Variants in GPHN observed in about 807,000 individuals in gnomAD.
GPHN encodes gephyrin.
GPHN carries 17 observed loss-of-function variants against 95.5 expected under a neutral mutation model. The observed-to-expected ratio is 0.18, with a 90% CI of 0.12 to 0.27. The LOEUF (loss-of-function observed/expected upper bound fraction) is 0.27. Among genes scored for constraint, GPHN ranks in the 10% least tolerant of loss-of-function variants. The pLI is 1.00. For synonymous variants in GPHN, 320 were observed against 322.5 expected, an observed-to-expected ratio of 0.99 and a Z score of 0.08; for missense variants, 660 against 978.1, an observed-to-expected ratio of 0.67 and a Z score of 4.34.
the GPHN span, among the ~76,000 whole-genome samples, chr14:67,368,352 G>A: frequency 6.6e-6 from 1 of 152,176 alleles, no homozygotes; most frequent in Non-Finnish European, 1.5e-5. Context: ...CAGATTGGCT[G>A]CTCTGCATAA....
At chr14:67,587,140 AC>A in the GPHN span, 1 of 1,613,710 alleles carries the variant, frequency 6.2e-7, no homozygotes, top group Non-Finnish European at 8.5e-7. Context: ...GAACCCCCCC[AC>A]CAACCCACCC....
At chr14:67,302,943 ATTG>A in the GPHN span, among the ~76,000 whole-genome samples, 1 of 152,162 alleles carries the variant, frequency 6.6e-6, no homozygotes, top group Admixed American at 6.5e-5. Context: ...TCTGTAATTG[ATTG>A]TTGTTTTCCT....
At chr14:67,509,768 A>T in the GPHN span, among the ~76,000 whole-genome samples, 1 of 152,124 alleles carries the variant, frequency 6.6e-6, no homozygotes, top group Non-Finnish European at 1.5e-5. Flanking sequence ...GCACTTTGGG[A>T]GGCTGAGGCA....
At chr14:67,121,251 C>T (rs189969376) in intron 16 of GPHN, among the ~76,000 whole-genome samples, 71 of 151,872 alleles carry the variant, frequency 4.7e-4, no homozygotes, top group Non-Finnish European at 9.3e-4. Flanking sequence ...TGTGAAGGAC[C>T]CCCTACTCTT....
chr14:67,573,366 AT>A, the GPHN span: 2 of 1,608,496 alleles, frequency 1.2e-6, no homozygotes, highest in Non-Finnish European at 1.7e-6. The surrounding 1 kb of genome is among the most constrained non-coding windows in gnomAD (Gnocchi z 4.8). Flanking sequence ...ACAGGGACAG[AT>A]TATGTACTAC....
chr14:67,327,640 TC>T, the GPHN span, among the ~76,000 whole-genome samples: 1 of 151,412 alleles, frequency 6.6e-6, no homozygotes, highest in Non-Finnish European at 1.5e-5. Context: ...CCCTCCCCTC[TC>T]CCCCCACCCC....
intron 5 of GPHN, among the ~76,000 whole-genome samples, chr14:66,882,750 T>G (rs921794011): frequency 6.6e-6 from 1 of 151,752 alleles, no homozygotes; most frequent in Non-Finnish European, 1.5e-5. Context: ...GTGAAACCTT[T>G]TCGTAGCTTT....
At chr14:67,652,884 C>G in the GPHN span, among the ~76,000 whole-genome samples, 65 of 152,296 alleles carry the variant, frequency 4.3e-4, no homozygotes, top group Admixed American at 1.2e-3. Context: ...ACCTCCACCC[C>G]CCAGGTTCAA....
At chr14:67,576,268 C>A in the GPHN span, 1 of 633,122 alleles carries the variant, frequency 1.6e-6, no homozygotes, top group Non-Finnish European at 2.7e-6. The surrounding 1 kb of genome is among the most constrained non-coding windows in gnomAD (Gnocchi z 4.0). Context: ...CCAGGTAGCC[C>A]TGACTCATGC....
chr14:67,511,319 A>G, the GPHN span, among the ~76,000 whole-genome samples: 2 of 151,008 alleles, frequency 1.3e-5, no homozygotes, highest in Non-Finnish European at 2.9e-5. Flanking sequence ...AGCTCTCCCT[A>G]CATTAATTGA....
chr14:66,829,095 T>C (rs1276471659), intron 4 of GPHN, among the ~76,000 whole-genome samples: 1 of 144,664 alleles, frequency 6.9e-6, no homozygotes, highest in Non-Finnish European at 1.5e-5. Flanking sequence ...TTTTTTTTTT[T>C]TTTTTTTTTT....
At chr14:67,713,253 C>A in the GPHN span, among the ~76,000 whole-genome samples, 1 of 147,540 alleles carries the variant, frequency 6.8e-6, no homozygotes, top group Non-Finnish European at 1.5e-5. Context: ...AACAAACAAA[C>A]AAACAAACAA....
the GPHN span, chr14:67,392,283 T>C: frequency 1.6e-6 from 2 of 1,289,874 alleles, no homozygotes; most frequent in Admixed American, 3.4e-5. Context: ...TCCCCTAAGC[T>C]TGAGAACTGT....
chr14:66,918,561 T>C (rs2066033034), intron 6 of GPHN, among the ~76,000 whole-genome samples: 1 of 152,182 alleles, frequency 6.6e-6, no homozygotes, highest in African/African-American at 2.4e-5. Flanking sequence ...TGTTTACTGC[T>C]AGACACGAAA....
the GPHN span, among the ~76,000 whole-genome samples, chr14:67,714,086 A>G: frequency 1.2e-3 from 178 of 152,204 alleles, no homozygotes; most frequent in African/African-American, 3.9e-3. Context: ...AGTAGCAACT[A>G]TTAGATTTAA....
chr14:67,541,704 C>T, the GPHN span: 214 of 588,352 alleles, frequency 3.6e-4, no homozygotes, highest in African/African-American at 3.8e-3. Context: ...GACCAATTCT[C>T]TTCCCCAGCC....
chr14:66,508,398 T>A lies in GPHN; in HGVS notation c.-130T>A. On this transcript the variant is annotated 5_prime_UTR_variant, in exon 1 of 23. Transcript: ENST00000478722. ...GTGCACTCTGTGGCCTCCCCCTCCT[T>A]CCCCGCTCTCCTCGCGCTTCTCTGG... The A allele has an allele frequency of 1.2e-6, 1 of 850,784 alleles. No individual in the cohort carries two copies. Among genetic ancestry groups the A allele is most frequent in the Non-Finnish European group, 2.0e-6 (1 of 492,362 alleles). The allele number at this position is 850,784 out of a possible 1,614,324, so 52.7% of individuals were successfully genotyped here.
chr14:67,589,795 G>A, the GPHN span: 202 of 1,109,548 alleles, frequency 1.8e-4, 1 homozygote, highest in South Asian at 5.5e-3. Flanking sequence ...AGCAATTTCC[G>A]AAAGTGTTCT....
At chr14:66,961,059 T>C (rs946429855) in intron 8 of GPHN, among the ~76,000 whole-genome samples, 12 of 152,088 alleles carry the variant, frequency 7.9e-5, no homozygotes, top group Admixed American at 6.6e-4. Context: ...CCTTTGAGTG[T>C]GTCCTTCAAT....
Sources: gnomAD v4.1 joint callset for allele counts (sites outside exome capture counted in the v4.1 genomes callset) on GRCh38, gnomAD v4.1.1 for gene constraint, Gnocchi (gnomAD v3.1) non-coding constraint, MANE v1.5 for transcripts, NCBI Gene and HGNC (gene_info 2026-07-23, HGNC 2026-07-21) for gene names.